Variants in MRPS31 observed in about 807,000 individuals in gnomAD.
MRPS31 encodes mitochondrial ribosomal protein S31, also known as small ribosomal subunit protein mS31.
MRPS31 carries 32 observed loss-of-function variants against 43.1 expected under a neutral mutation model. The observed-to-expected ratio is 0.74, with a 90% CI of 0.56 to 1.00. The LOEUF is 1.00. MRPS31 is among the 50% of genes least tolerant of loss of function. MRPS31 has a pLI of 0.00. For missense variants in MRPS31, 437 were observed against 466.7 expected, an observed-to-expected ratio of 0.94 and a Z score of 0.59; for synonymous variants, 165 against 161.6, an observed-to-expected ratio of 1.02 and a Z score of -0.16.
intron 5 of MRPS31, 83 bp from the exon 6 acceptor site, chr13:40,749,364 A>G (rs1441168592): frequency 1.7e-6 from 2 of 1,163,754 alleles, no homozygotes; most frequent in African/African-American, 3.2e-5. Context: ...TGAATTGACC[A>G]TGTATTTTTC....
chr13:40,739,262 C>T (rs1004655475), intron 6 of MRPS31, among the ~76,000 whole-genome samples: 1 of 152,136 alleles, frequency 6.6e-6, no homozygotes. Flanking sequence ...AGGAGAACTA[C>T]AAACCACTGC....
rs1280812801 is a variant in MRPS31 at position 40,762,385 on chromosome 13, C to A, written c.441-3279G>T. ...ATCCCTAATTTGATTCTAATCTTTG[C>A]TCAAATGTTACCTTATCAGAGTTCT... On this transcript the variant is annotated intron_variant, in intron 2 of 6. Transcript: ENST00000323563. 3.3e-5 allele frequency among the ~76,000 whole-genome samples: 5 copies of A among 152,036 alleles called. No individual in the cohort carries two copies. The East Asian group carries it at 9.6e-4, about 29-fold the overall frequency.
chr13:40,759,075 C>G lies in MRPS31; in HGVS notation c.472G>C (p.Ala158Pro). 6.2e-7 allele frequency: 1 copy of G among 1,603,426 alleles called. No individual in the cohort carries two copies. Among genetic ancestry groups the G allele is most frequent in the Non-Finnish European group, 8.5e-7 (1 of 1,175,268 alleles). The change falls in exon 3 of 7, where the codon GCT becomes CCT. Residue 158 changes from alanine (A) to proline (P), a missense_variant. Ala to Pro is a conservative substitution (Grantham distance 27). Transcript: ENST00000323563. ...AGAGAATCTGCCACAGCAGATGCAG[C>G]TGCCACCAACTCAGGACTCAGGGGC... ...IEPLSPELVA[A>P]ASAVADSLPF...
At chr13:40,748,394 C>T (rs1231470793) in intron 6 of MRPS31, among the ~76,000 whole-genome samples, 1 of 152,166 alleles carries the variant, frequency 6.6e-6, no homozygotes, top group Non-Finnish European at 1.5e-5. Flanking sequence ...TGAACTCAGG[C>T]GATCCGCCCG....
At chr13:40,746,265 TAAGA>T (rs1880237009) in intron 6 of MRPS31, among the ~76,000 whole-genome samples, 1 of 152,148 alleles carries the variant, frequency 6.6e-6, no homozygotes, top group Non-Finnish European at 1.5e-5. Flanking sequence ...CATTTAAGTA[TAAGA>T]AATATAAAAG....
chr13:40,762,455 C>CT (rs113395622), intron 2 of MRPS31, among the ~76,000 whole-genome samples: 82 of 145,402 alleles, frequency 5.6e-4, no homozygotes, highest in Non-Finnish European at 6.8e-4. Flanking sequence ...CCCCCTCATT[C>CT]TTTTTTTTTT....
chr13:40,770,955 G>T (rs777568545), intron 1 of MRPS31, 30 bp downstream of exon 1: 2 of 1,613,812 alleles, frequency 1.2e-6, no homozygotes, highest in Non-Finnish European at 1.7e-6. Flanking sequence ...GGATGTACAG[G>T]ACGGGGCACG....
chr13:40,769,851 C>T (rs1880958107), intron 1 of MRPS31, among the ~76,000 whole-genome samples: 2 of 152,044 alleles, frequency 1.3e-5, no homozygotes, highest in African/African-American at 2.4e-5. Context: ...AAATAATAAA[C>T]CTCTCGACCT....
At chr13:40,735,709 C>A (rs1879879624) in intron 6 of MRPS31, among the ~76,000 whole-genome samples, 1 of 151,956 alleles carries the variant, frequency 6.6e-6, no homozygotes. Flanking sequence ...AACAGACCTG[C>A]AGCTGAGGGT....
rs779730647 is a variant in MRPS31, at chr13:40,766,971, T to C, written c.215A>G (p.Lys72Arg). The change falls in exon 2 of 7, where the codon AAG becomes AGG. Residue 72 changes from lysine (K) to arginine (R), a missense_variant. Physicochemically the swap from Lys to Arg is conservative, Grantham distance 26. Transcript: ENST00000323563. Reference sequence around the variant, plus strand: ...AGTCTCCTCAGTTCGAACAGACTGCTTATCTTTCTTGCTACAGATCACACT... The same window carrying C: ...AGTCTCCTCAGTTCGAACAGACTGCCTATCTTTCTTGCTACAGATCACACT... The part of the protein sequence containing the change: ...TNSVICSKKD[K>R]QSVRTEETSK... 43 of 1,614,020 alleles carry C rather than the reference T, an allele frequency of 2.7e-5. No individual in the cohort carries two copies. The highest frequency in any genetic ancestry group is 3.5e-5 in the Non-Finnish European group (41 of 1,179,996).
At chr13:40,729,730 A>ATT (rs35753575) in intron 6 of MRPS31, 129 bp from the exon 7 acceptor site, 2,246 of 522,016 alleles carry the variant, frequency 4.3e-3, no homozygotes, top group East Asian at 0.015. Context: ...CCTAGGTTGC[A>ATT]TTTTTTTTTT....
rs561643556 is a variant in MRPS31, at chr13:40,741,540, A to C, written c.958+7598T>G. The stretch of plus-strand genomic sequence containing the variant: ...GGAAATGCAAATAAAAACACCACTG[A>C]TATCATTTTTTACCCAGAACATTTG... On this transcript the variant is annotated intron_variant, in intron 6 of 6. Transcript: ENST00000323563. Among the ~76,000 whole-genome samples, 8 of 152,320 alleles carry C rather than the reference A, an allele frequency of 5.3e-5. No individual in the cohort carries two copies. The East Asian group carries it at 1.5e-3, about 29-fold the overall frequency.
intron 2 of MRPS31, among the ~76,000 whole-genome samples, chr13:40,763,164 T>G (rs1231213073): frequency 6.6e-6 from 1 of 152,162 alleles, no homozygotes; most frequent in South Asian, 2.1e-4. Context: ...TAGGTTCCAC[T>G]AAACATTCAG....
At position 40,756,966 on chromosome 13, in the gene MRPS31, G is replaced by C. The variant is rs781452553; in HGVS notation, c.647C>G (p.Ala216Gly). Residue 216 changes from alanine (A) to glycine (G), a missense_variant, in exon 4 of 7, where the codon GCT becomes GGT. Transcript: ENST00000323563. ...SDMKVARSATARVRSRPELRI... is the reference protein window; with the variant it reads ...SDMKVARSATGRVRSRPELRI... Reference sequence around the variant, plus strand: ...AAGCTCTGGTCTTGAACGAACTCTAGCTGTAGCAGATCTGGCAACTTTCAT... The same window carrying C: ...AAGCTCTGGTCTTGAACGAACTCTACCTGTAGCAGATCTGGCAACTTTCAT... 1 of 1,613,122 alleles carries C rather than the reference G, an allele frequency of 6.2e-7. No individual in the cohort carries two copies.
At chr13:40,767,700 C>T (rs1432515637) in intron 1 of MRPS31, among the ~76,000 whole-genome samples, 1 of 152,132 alleles carries the variant, frequency 6.6e-6, no homozygotes, top group African/African-American at 2.4e-5. Flanking sequence ...CTCCATTTAC[C>T]CCAGGGTTGG....
chr13:40,762,033 G>C (rs911277246), intron 2 of MRPS31, among the ~76,000 whole-genome samples: 2 of 151,936 alleles, frequency 1.3e-5, no homozygotes. Context: ...CTTGAGTCCA[G>C]GAGTTCATGA....
chr13:40,741,282 A>G (rs1255561923), intron 6 of MRPS31, among the ~76,000 whole-genome samples: 1 of 152,156 alleles, frequency 6.6e-6, no homozygotes, highest in Non-Finnish European at 1.5e-5. Flanking sequence ...AATGTTTACT[A>G]TGATTTTTAA....
At chr13:40,733,318 G>C (rs1392071128) in intron 6 of MRPS31, among the ~76,000 whole-genome samples, 1 of 151,972 alleles carries the variant, frequency 6.6e-6, no homozygotes, top group African/African-American at 2.4e-5. Context: ...GAAGCATTTG[G>C]AAGTTAAAAA....
At position 40,766,812 on chromosome 13, in the gene MRPS31, G is replaced by A. The variant is rs778143647; in HGVS notation, c.374C>T (p.Pro125Leu). The A allele has an allele frequency of 1.2e-6, 2 of 1,613,958 alleles. No individual in the cohort carries two copies. Among genetic ancestry groups the A allele is most frequent in the Non-Finnish European group, 8.5e-7 (1 of 1,179,954 alleles). The change falls in exon 2 of 7, where the codon CCA (proline) becomes CTA (leucine). Residue 125 changes from proline to leucine, a missense_variant. Physicochemically the swap from Pro to Leu is moderately conservative, Grantham distance 98 (BLOSUM62 -3). Coordinates refer to ENST00000323563, the MANE Select transcript of MRPS31 (RefSeq NM_005830.4). ...AAGTGTAGCTTCCAAACTTTTAAGTGGTCTTCTTTTGGGGGGCTTTGTTGT... is the reference window on the plus strand; with the variant it reads ...AAGTGTAGCTTCCAAACTTTTAAGTAGTCTTCTTTTGGGGGGCTTTGTTGT... ...VRTTKPPKRR[P>L]LKSLEATLGR...
Sources: allele counts gnomAD v4.1 joint callset (sites outside exome capture counted in the v4.1 genomes callset), GRCh38; gene constraint gnomAD v4.1.1; transcripts MANE v1.5; gene names NCBI Gene and HGNC (gene_info 2026-07-23, HGNC 2026-07-21).